Variants in CBFA2T3 observed in about 807,000 individuals in gnomAD.
CBFA2T3 encodes the protein CBFA2/RUNX1 partner transcriptional co-repressor 3.
A neutral mutation model predicts 58.6 loss-of-function variants in CBFA2T3; 31 were observed. That is an observed-to-expected ratio of 0.53 (90% CI 0.40 to 0.71). The LOEUF (loss-of-function observed/expected upper bound fraction) is 0.71. Among genes scored for constraint, CBFA2T3 ranks in the 30% least tolerant of loss-of-function variants. The pLI is 0.00. For missense variants in CBFA2T3, 1,076 were observed against 963.1 expected, an observed-to-expected ratio of 1.12 and a Z score of -1.55; for synonymous variants, 531 against 421.9, an observed-to-expected ratio of 1.26 and a Z score of -3.17.
At position 88,889,710 on chromosome 16, in the gene CBFA2T3, G is replaced by A. The variant is rs559859064; in HGVS notation, c.711+2172C>T. Reference sequence around the variant, plus strand: ...CCTCCTCCTCCAGGGACGACACCCCGCGATTCCTCCTCCTCCAGGGACACT... The same window carrying A: ...CCTCCTCCTCCAGGGACGACACCCCACGATTCCTCCTCCTCCAGGGACACT... On this transcript the variant is annotated intron_variant, in intron 5 of 11. Transcript: ENST00000268679. Among the ~76,000 whole-genome samples, 22 of 151,288 alleles carry A rather than the reference G, an allele frequency of 1.5e-4. No homozygotes were observed. The South Asian group carries it at 4.4e-3, about 30-fold the overall frequency.
At chr16:88,920,212 C>T (rs928075939) in intron 1 of CBFA2T3, among the ~76,000 whole-genome samples, 12 of 152,356 alleles carry the variant, frequency 7.9e-5, no homozygotes, top group African/African-American at 2.2e-4. Flanking sequence ...CTGACAGTCG[C>T]TGGAGCCCCA....
chr16:88,891,815 G>T, intron 5 of CBFA2T3, 67 bp downstream of exon 5: 2 of 1,116,280 alleles, frequency 1.8e-6, no homozygotes, highest in Non-Finnish European at 1.3e-6. Flanking sequence ...GTCCACGCTG[G>T]CAAGGAGTGG....
At chr16:88,923,836 CG>C (rs1567610856) in intron 1 of CBFA2T3, among the ~76,000 whole-genome samples, 2 of 152,176 alleles carry the variant, frequency 1.3e-5, no homozygotes, top group South Asian at 2.1e-4. Flanking sequence ...AACCCACCCC[CG>C]AGGACCGTCC....
chr16:88,911,201 C>T lies in CBFA2T3; in HGVS notation c.152-9545G>A, dbSNP rs1227935452. 3.3e-5 allele frequency among the ~76,000 whole-genome samples: 5 copies of T among 152,248 alleles called. No homozygotes were observed. In the South Asian group the frequency reaches 6.2e-4, roughly 19 times the overall value. On this transcript the variant is annotated intron_variant, in intron 1 of 11. Transcript: ENST00000268679. ...ACTCACTCACTCCTGCTGCCCTTCCCGCCGTGGACAGGAACAAGGGACCCT... is the reference window on the plus strand; with the variant it reads ...ACTCACTCACTCCTGCTGCCCTTCCTGCCGTGGACAGGAACAAGGGACCCT...
rs568029794 is a variant in CBFA2T3, at chr16:88,885,900, G to A, written c.893+61C>T. On this transcript the variant is annotated intron_variant, in intron 6 of 11. Transcript: ENST00000268679. This position sits in a 1 kb window ranked among gnomAD's most constrained non-coding sequence, Gnocchi z 5.3. ...GAGGTTCCCTCTCTTACCCAGAGGGGAGCAGGGTGAGCCGCGTGTCCACGG... is the reference window on the plus strand; with the variant it reads ...GAGGTTCCCTCTCTTACCCAGAGGGAAGCAGGGTGAGCCGCGTGTCCACGG... 4.2e-6 allele frequency: 6 copies of A among 1,424,808 alleles called. No individual in the cohort carries two copies. The East Asian group carries it at 9.9e-5, about 24-fold the overall frequency. 88.3% of individuals were successfully genotyped at this position (1,424,808 alleles called of 1,614,324 possible).
At chr16:88,948,987 A>G (rs941614719) in intron 1 of CBFA2T3, among the ~76,000 whole-genome samples, 12 of 152,244 alleles carry the variant, frequency 7.9e-5, no homozygotes, top group Non-Finnish European at 1.0e-4. Context: ...CAAACTCCCC[A>G]GTAGATGGTG....
chr16:88,966,080 G>C (rs143421661), intron 1 of CBFA2T3, among the ~76,000 whole-genome samples: 1 of 152,190 alleles, frequency 6.6e-6, no homozygotes, highest in African/African-American at 2.4e-5. Context: ...AGCAGACCTC[G>C]CCTCCTCTCG....
rs1213238433 is a variant in CBFA2T3, at chr16:88,975,204, C to CCCTGGCCCTCTCTGCT, written c.151+1452_151+1453insAGCAGAGAGGGCCAGG. ...CATCTTTAGCCATGTCAGAGGTCCA[C>CCCTGGCCCTCTCTGCT]CCTGACCCTCTGCTCCTCACCTGCA... On this transcript the variant is annotated intron_variant, in intron 1 of 11. Transcript: ENST00000268679. 7.3e-5 allele frequency among the ~76,000 whole-genome samples: 9 copies of CCCTGGCCCTCTCTGCT among 123,912 alleles called. No homozygotes were observed. In the East Asian group the frequency reaches 1.0e-3, roughly 14 times the overall value. The allele number at this position is 123,912 out of a possible 152,430, so 81.3% of individuals were successfully genotyped here.
chr16:88,913,352 C>A (rs934777448), intron 1 of CBFA2T3, among the ~76,000 whole-genome samples: 3 of 152,246 alleles, frequency 2.0e-5, no homozygotes, highest in Admixed American at 1.3e-4. Flanking sequence ...CCCCCCTGAG[C>A]TTGCCAAAAC....
intron 1 of CBFA2T3, among the ~76,000 whole-genome samples, chr16:88,903,828 G>C (rs1007016589): frequency 6.6e-6 from 1 of 152,224 alleles, no homozygotes; most frequent in Non-Finnish European, 1.5e-5. Flanking sequence ...GGGGGACACA[G>C]GTCCAGGACA....
chr16:88,966,437 G>A (rs1343797566), intron 1 of CBFA2T3, among the ~76,000 whole-genome samples: 4 of 151,586 alleles, frequency 2.6e-5, no homozygotes, highest in Non-Finnish European at 5.9e-5. Flanking sequence ...TGTGCAGCAT[G>A]GCTGGGCTAC....
At chr16:88,925,989 C>G (rs1227538358) in intron 1 of CBFA2T3, among the ~76,000 whole-genome samples, 1 of 152,230 alleles carries the variant, frequency 6.6e-6, no homozygotes, top group African/African-American at 2.4e-5. Flanking sequence ...GCTGCAGCCT[C>G]GAACTGGCAC....
Position 88,881,271 on chromosome 16 carries a change from C to T in CBFA2T3, c.1402+20G>A. 6.3e-7 allele frequency: 1 copy of T among 1,593,970 alleles called. No individual in the cohort carries two copies. On this transcript the variant is annotated intron_variant, in intron 9 of 11. Transcript: ENST00000268679. Reference sequence around the variant, plus strand: ...CAGAGCACCCCGTGTCTGCTCCCTCCCCCCACACCCCACACGCACCTAGCT... The same window carrying T: ...CAGAGCACCCCGTGTCTGCTCCCTCTCCCCACACCCCACACGCACCTAGCT...
At chr16:88,902,974 T>G (rs1443535397) in intron 1 of CBFA2T3, among the ~76,000 whole-genome samples, 1 of 151,866 alleles carries the variant, frequency 6.6e-6, no homozygotes, top group Non-Finnish European at 1.5e-5. Flanking sequence ...CCCTGCACCC[T>G]CCTCCTGTTA....
intron 1 of CBFA2T3, chr16:88,941,062 C>G (rs1331850814): frequency 1.0e-6 from 1 of 985,762 alleles, no homozygotes; most frequent in Non-Finnish European, 1.2e-6. Flanking sequence ...GGACGGCGCA[C>G]ACTCGCGACT....
At chr16:88,903,583 G>A (rs1430711729) in intron 1 of CBFA2T3, among the ~76,000 whole-genome samples, 2 of 151,900 alleles carry the variant, frequency 1.3e-5, no homozygotes, top group Non-Finnish European at 2.9e-5. Context: ...TGGCTGCAGG[G>A]CCGGTGGCCA....
rs543550374 is a variant in CBFA2T3, at chr16:88,953,068, C to A, written c.151+23589G>T. On this transcript the variant is annotated intron_variant, in intron 1 of 11. Transcript: ENST00000268679. This position sits in a 1 kb window ranked among gnomAD's most constrained non-coding sequence, Gnocchi z 4.9. ...TCTAATGAGTGACCGTCCTCACCCA[C>A]GAGAAAAAACACAACCTGGTCTCCG... is the stretch of plus-strand genomic sequence containing the variant. Among the ~76,000 whole-genome samples the A allele has an allele frequency of 6.6e-6, 1 of 152,194 alleles. No individual in the cohort carries two copies. The highest frequency in any genetic ancestry group is 1.5e-5 in the Non-Finnish European group (1 of 68,036).
chr16:88,914,840 G>A (rs1251278070), intron 1 of CBFA2T3, among the ~76,000 whole-genome samples: 1 of 152,212 alleles, frequency 6.6e-6, no homozygotes, highest in African/African-American at 2.4e-5. Context: ...CAGATGTCTG[G>A]GGCCTGCTTG....
chr16:88,919,813 C>T (rs1407086306), intron 1 of CBFA2T3, among the ~76,000 whole-genome samples: 2 of 152,220 alleles, frequency 1.3e-5, no homozygotes, highest in Non-Finnish European at 2.9e-5. Context: ...TGTTTCAATG[C>T]AGGTCTGGAG....
Sources: allele counts gnomAD v4.1 joint callset (sites outside exome capture counted in the v4.1 genomes callset), GRCh38; gene constraint gnomAD v4.1.1; non-coding constraint Gnocchi (gnomAD v3.1); transcripts MANE v1.5; gene names NCBI Gene and HGNC (gene_info 2026-07-23, HGNC 2026-07-21).